The following AGBL4 variants were observed in gnomAD, a reference collection of about 807,000 sequenced individuals.
AGBL4 encodes the protein cytosolic carboxypeptidase 6.
A neutral mutation model predicts 66.4 loss-of-function variants in AGBL4; 58 were observed. The ratio of observed to expected loss-of-function variants is 0.87; its 90% confidence interval spans 0.71 to 1.09. The LOEUF (loss-of-function observed/expected upper bound fraction) is 1.09. AGBL4 is among the 50% of genes least tolerant of loss of function. The pLI, the probability that AGBL4 is intolerant of heterozygous loss-of-function variation, is 0.00. For missense variants in AGBL4, 579 were observed against 631.0 expected (o/e 0.92, Z 0.88); for synonymous variants, 234 against 222.9 (o/e 1.05, Z -0.44).
At chr1:48,978,467 C>CCAG (rs1447040437) in intron 5 of AGBL4, among the ~76,000 whole-genome samples, 5 of 152,140 alleles carry the variant, frequency 3.3e-5, no homozygotes, top group African/African-American at 1.2e-4. Context: ...ACTCCTAGAA[C>CCAG]CAGCCTCTTT....
At position 49,250,193 on chromosome 1, in the gene AGBL4, T is replaced by A. The variant is rs527593806; in HGVS notation, c.283-4329A>T. On this transcript the variant is annotated intron_variant, in intron 3 of 13. Coordinates refer to ENST00000371839, the MANE Select transcript of AGBL4 (RefSeq NM_032785.4). ...TTATAGTTAATGACAATTTATTATA[T>A]ATTTCAAAATAGGTAGAACAGAATT... 6.6e-5 allele frequency among the ~76,000 whole-genome samples: 10 copies of A among 152,296 alleles called. No individual in the cohort carries two copies. The South Asian group carries it at 1.7e-3, about 25-fold the overall frequency.
chr1:49,046,377 G>A (rs1644081467), intron 4 of AGBL4, among the ~76,000 whole-genome samples: 1 of 152,108 alleles, frequency 6.6e-6, no homozygotes, highest in Admixed American at 6.6e-5. Context: ...CAAGGAAAGG[G>A]AAATATTCAA....
intron 1 of AGBL4, among the ~76,000 whole-genome samples, chr1:49,952,887 T>A (rs1656283024): frequency 6.6e-6 from 1 of 151,844 alleles, no homozygotes; most frequent in Non-Finnish European, 1.5e-5. Flanking sequence ...AACCTGAAAA[T>A]ATTTCTCCCA....
At chr1:48,952,280 A>G (rs758401928) in intron 5 of AGBL4, among the ~76,000 whole-genome samples, 1 of 152,248 alleles carries the variant, frequency 6.6e-6, no homozygotes, top group African/African-American at 2.4e-5. Flanking sequence ...CTAGGCATTT[A>G]GGAGACAAGC....
intron 3 of AGBL4, among the ~76,000 whole-genome samples, chr1:49,551,626 G>A (rs1443076708): frequency 6.6e-6 from 1 of 152,200 alleles, no homozygotes; most frequent in Non-Finnish European, 1.5e-5. Context: ...GGGGTTGTCT[G>A]TACAGACTCC....
intron 3 of AGBL4, among the ~76,000 whole-genome samples, chr1:49,506,182 A>G (rs1275556759): frequency 6.6e-6 from 1 of 152,050 alleles, no homozygotes; most frequent in African/African-American, 2.4e-5. Flanking sequence ...CACATATTTT[A>G]AGCTTTCTGG....
intron 11 of AGBL4, among the ~76,000 whole-genome samples, chr1:48,556,893 G>A (rs1644329224): frequency 6.6e-6 from 1 of 152,096 alleles, no homozygotes; most frequent in Non-Finnish European, 1.5e-5. Context: ...GGGCTCAAGC[G>A]ATTCTGATGC....
intron 3 of AGBL4, among the ~76,000 whole-genome samples, chr1:49,524,624 C>CT (rs527714011): frequency 2.7e-5 from 4 of 150,136 alleles, no homozygotes; most frequent in Non-Finnish European, 4.5e-5. Context: ...TTATGCAGAA[C>CT]TTTTTTTTTT....
At chr1:49,842,507 C>T in intron 2 of AGBL4, 1 of 984,996 alleles carries the variant, frequency 1.0e-6, no homozygotes, top group Non-Finnish European at 1.2e-6. Flanking sequence ...TAATTCTTCA[C>T]AGCAAATTTA....
chr1:48,612,447 C>T (rs775582373), intron 9 of AGBL4, among the ~76,000 whole-genome samples: 5 of 152,182 alleles, frequency 3.3e-5, no homozygotes, highest in Non-Finnish European at 7.3e-5. Context: ...GAAGTGCTGT[C>T]TACATGAATG....
At chr1:48,681,834 A>G (rs1399597987) in intron 6 of AGBL4, among the ~76,000 whole-genome samples, 1 of 152,186 alleles carries the variant, frequency 6.6e-6, no homozygotes, top group Non-Finnish European at 1.5e-5. Context: ...GGCAGTCAAG[A>G]GACCTGAGTG....
intron 3 of AGBL4, among the ~76,000 whole-genome samples, chr1:49,332,283 CAG>C (rs1238470649): frequency 6.6e-6 from 1 of 152,076 alleles, no homozygotes; most frequent in Non-Finnish European, 1.5e-5. Flanking sequence ...CTTACCAAAA[CAG>C]ATTTAAAAAG....
chr1:48,846,039 T>C (rs960897143), intron 6 of AGBL4, among the ~76,000 whole-genome samples: 16 of 152,136 alleles, frequency 1.1e-4, no homozygotes, highest in Non-Finnish European at 2.9e-5. Flanking sequence ...CAGGTCTGAC[T>C]TGTCCCACTT....
intron 7 of AGBL4, among the ~76,000 whole-genome samples, chr1:48,654,741 C>T (rs954538911): frequency 6.6e-6 from 1 of 152,250 alleles, no homozygotes; most frequent in African/African-American, 2.4e-5. Flanking sequence ...TCCAGAGCTG[C>T]TGTGACCAGT....
chr1:49,660,666 G>C (rs1558142703), intron 3 of AGBL4, among the ~76,000 whole-genome samples: 1 of 152,108 alleles, frequency 6.6e-6, no homozygotes, highest in Non-Finnish European at 1.5e-5. Flanking sequence ...GTTCACTGCA[G>C]CACTATTCAC....
At chr1:48,815,772 G>A (rs1276809424) in intron 6 of AGBL4, among the ~76,000 whole-genome samples, 2 of 152,106 alleles carry the variant, frequency 1.3e-5, no homozygotes. Flanking sequence ...CGATCATCTT[G>A]TTCTTCACTG....
chr1:49,652,816 C>T (rs527273858), intron 3 of AGBL4, among the ~76,000 whole-genome samples: 6 of 152,284 alleles, frequency 3.9e-5, no homozygotes, highest in Admixed American at 6.5e-5. Flanking sequence ...AAACAGAACT[C>T]TGATATCCCT....
intron 6 of AGBL4, among the ~76,000 whole-genome samples, chr1:48,698,344 A>C (rs189363552): frequency 1.3e-5 from 2 of 152,204 alleles, no homozygotes; most frequent in African/African-American, 4.8e-5. Flanking sequence ...GAGAAGAGGA[A>C]GGTCACTACG....
chr1:49,378,820 T>C (rs765840903), intron 3 of AGBL4, among the ~76,000 whole-genome samples: 7 of 152,150 alleles, frequency 4.6e-5, no homozygotes, highest in Non-Finnish European at 7.4e-5. Flanking sequence ...CACTGAGTAG[T>C]AATGGTCCAG....
Sources: allele counts gnomAD v4.1 joint callset (sites outside exome capture counted in the v4.1 genomes callset), GRCh38; gene constraint gnomAD v4.1.1; transcripts MANE v1.5; gene names NCBI Gene and HGNC (gene_info 2026-07-23, HGNC 2026-07-21).